Variants in EXOC4 observed in about 807,000 individuals in gnomAD.
EXOC4 encodes exocyst complex component 4.
EXOC4 carries 71 observed loss-of-function variants against 107.2 expected under a neutral mutation model. The observed-to-expected ratio is 0.66, with a 90% CI of 0.55 to 0.81. EXOC4 has a LOEUF of 0.81. Among genes scored for constraint, EXOC4 ranks in the 30% least tolerant of loss-of-function variants. The probability of loss-of-function intolerance (pLI) is 0.00; values close to 1 mark genes in which losing one functional copy is unlikely to be tolerated. For missense variants in EXOC4, 1,108 were observed against 1,189.6 expected (o/e 0.93, Z 1.01); for synonymous variants, 456 against 441.2 (o/e 1.03, Z -0.42).
Position 133,571,560 on chromosome 7 carries a change from C to T in EXOC4, c.1418-58485C>T, listed in dbSNP as rs150280072. Among the ~76,000 whole-genome samples the T allele has an allele frequency of 8.9e-3, 1,352 of 151,520 alleles. 13 individuals carry two copies. The highest frequency in any genetic ancestry group is 0.015 in the Non-Finnish European group (1,031 of 67,930). ...TGTCATGCGCCTGTAGTCCTAGGTACTTGGGAGGCTGAGGCCAGGCATGAG... is the reference window on the plus strand; with the variant it reads ...TGTCATGCGCCTGTAGTCCTAGGTATTTGGGAGGCTGAGGCCAGGCATGAG... On this transcript the variant is annotated intron_variant, in intron 9 of 17. Coordinates refer to ENST00000253861, the MANE Select transcript of EXOC4 (RefSeq NM_021807.4).
intron 10 of EXOC4, among the ~76,000 whole-genome samples, chr7:133,740,812 T>C (rs1316783883): frequency 1.3e-5 from 2 of 152,162 alleles, no homozygotes; most frequent in Non-Finnish European, 2.9e-5. Context: ...CATTAGATAG[T>C]AGGCATAGGT....
At chr7:133,983,096 A>T (rs1372033235) in intron 14 of EXOC4, among the ~76,000 whole-genome samples, 1 of 152,196 alleles carries the variant, frequency 6.6e-6, no homozygotes, top group Non-Finnish European at 1.5e-5. Context: ...GTCATAGCAG[A>T]AGGAAAAGGG....
In EXOC4 at chr7:134,007,853, G is replaced by C. The variant is rs1323385293; in HGVS notation, c.2687+18G>C. On this transcript the variant is annotated intron_variant, in intron 17 of 17. Coordinates refer to ENST00000253861, the MANE Select transcript of EXOC4 (RefSeq NM_021807.4). ...TTTGCAAGGTAGGAGGGAAAACTGG[G>C]TTTAGTTTCTTATGCCAAAGCTAAG... 3.1e-6 allele frequency: 5 copies of C among 1,601,574 alleles called. No homozygotes were observed. The highest frequency in any genetic ancestry group is 1.3e-5 in the African/African-American group (1 of 74,574).
intron 10 of EXOC4, among the ~76,000 whole-genome samples, chr7:133,746,294 A>G (rs931555970): frequency 4.6e-5 from 7 of 152,170 alleles, no homozygotes; most frequent in Non-Finnish European, 7.4e-5. Flanking sequence ...TGATTAGGAT[A>G]GTTAGTTTCA....
chr7:133,448,457 C>T (rs1196398673), intron 7 of EXOC4, among the ~76,000 whole-genome samples: 1 of 152,042 alleles, frequency 6.6e-6, no homozygotes, highest in East Asian at 1.9e-4. Flanking sequence ...ACCACCATGC[C>T]TGTCTAATTT....
intron 17 of EXOC4, among the ~76,000 whole-genome samples, chr7:134,041,292 G>T (rs1461997923): frequency 6.6e-6 from 1 of 152,084 alleles, no homozygotes; most frequent in Non-Finnish European, 1.5e-5. Context: ...TATGCATGAA[G>T]CCAAAAGAAA....
At chr7:133,671,075 C>G (rs1793934929) in intron 10 of EXOC4, among the ~76,000 whole-genome samples, 1 of 152,084 alleles carries the variant, frequency 6.6e-6, no homozygotes, top group Admixed American at 6.6e-5. Context: ...GACAACAGCC[C>G]TGAGACCCGT....
intron 10 of EXOC4, among the ~76,000 whole-genome samples, chr7:133,632,979 GA>G (rs772604524): frequency 4.6e-5 from 7 of 152,128 alleles, no homozygotes; most frequent in Admixed American, 6.5e-5. Flanking sequence ...AATTTCAAAT[GA>G]AAAACATGAC....
chr7:134,003,063 A>G (rs1378189379), intron 15 of EXOC4, among the ~76,000 whole-genome samples: 1 of 152,214 alleles, frequency 6.6e-6, no homozygotes, highest in Non-Finnish European at 1.5e-5. Context: ...AAACCTGGAA[A>G]GAATCTAAAT....
chr7:133,718,592 CTTCAA>C (rs1471379723), intron 10 of EXOC4, among the ~76,000 whole-genome samples: 3 of 152,148 alleles, frequency 2.0e-5, no homozygotes, highest in African/African-American at 7.2e-5. Context: ...CCCTAGAAGA[CTTCAA>C]TTCAAATCCC....
intron 17 of EXOC4, among the ~76,000 whole-genome samples, chr7:134,030,654 C>G (rs1327787072): frequency 6.6e-6 from 1 of 151,896 alleles, no homozygotes; most frequent in Non-Finnish European, 1.5e-5. Flanking sequence ...GGTAATAAAC[C>G]TTGTTGACCC....
At chr7:133,905,670 C>T (rs1338710009) in intron 12 of EXOC4, among the ~76,000 whole-genome samples, 1 of 152,174 alleles carries the variant, frequency 6.6e-6, no homozygotes, top group Admixed American at 6.5e-5. Flanking sequence ...AGGAGGCTCT[C>T]TGCCTTGTGT....
chr7:134,022,517 C>T (rs1303291825), intron 17 of EXOC4, among the ~76,000 whole-genome samples: 1 of 151,962 alleles, frequency 6.6e-6, no homozygotes, highest in East Asian at 1.9e-4. Flanking sequence ...ATTATGGGCC[C>T]TCAAGCCAAA....
chr7:134,037,814 G>A (rs1795425573), intron 17 of EXOC4, among the ~76,000 whole-genome samples: 1 of 152,080 alleles, frequency 6.6e-6, no homozygotes, highest in South Asian at 2.1e-4. Flanking sequence ...GTTTTTACAA[G>A]TTCTTATTTC....
At chr7:133,534,822 T>G (rs1800243476) in intron 9 of EXOC4, among the ~76,000 whole-genome samples, 1 of 152,182 alleles carries the variant, frequency 6.6e-6, no homozygotes, top group African/African-American at 2.4e-5. Flanking sequence ...AACTGCTTGA[T>G]TAAAAGTATG....
intron 6 of EXOC4, among the ~76,000 whole-genome samples, chr7:133,373,601 C>A (rs1425140836): frequency 6.6e-6 from 1 of 152,148 alleles, no homozygotes; most frequent in Non-Finnish European, 1.5e-5. Flanking sequence ...GTAGTTATAA[C>A]CCCTTATTTA....
At chr7:133,647,450 A>G (rs1803021520) in intron 10 of EXOC4, among the ~76,000 whole-genome samples, 1 of 152,106 alleles carries the variant, frequency 6.6e-6, no homozygotes, top group Non-Finnish European at 1.5e-5. Flanking sequence ...TCTGTGTGGT[A>G]GGAAATAGTA....
chr7:133,672,248 G>A (rs903350744), intron 10 of EXOC4, among the ~76,000 whole-genome samples: 2 of 151,770 alleles, frequency 1.3e-5, no homozygotes, highest in South Asian at 2.1e-4. Flanking sequence ...AAAATTAGCC[G>A]GGCGTGGTGG....
chr7:133,838,694 C>T (rs1440693510), intron 11 of EXOC4, among the ~76,000 whole-genome samples: 2 of 152,186 alleles, frequency 1.3e-5, no homozygotes, highest in Non-Finnish European at 2.9e-5. Flanking sequence ...TACTACTTTA[C>T]AGTAGCAAGG....
Sources: allele counts gnomAD v4.1 joint callset (sites outside exome capture counted in the v4.1 genomes callset), GRCh38; gene constraint gnomAD v4.1.1; transcripts MANE v1.5; gene names NCBI Gene and HGNC (gene_info 2026-07-23, HGNC 2026-07-21).